CHAF1B: variants seen among roughly 807,000 people sequenced by gnomAD.
CHAF1B encodes chromatin assembly factor 1 subunit B.
A neutral mutation model predicts 60.7 loss-of-function variants in CHAF1B; 10 were observed. The observed-to-expected ratio is 0.16, with a 90% CI of 0.10 to 0.28. The LOEUF is 0.28. CHAF1B is among the 10% of genes least tolerant of loss of function. The pLI is 1.00. For missense variants in CHAF1B, 558 were observed against 708.4 expected (o/e 0.79, Z 2.41); for synonymous variants, 261 against 266.1 (o/e 0.98, Z 0.19).
rs1249234485 is a variant in CHAF1B at position 36,418,584 on chromosome 21, C to T, written c.*2218C>T. The T allele has an allele frequency of 3.3e-5, 5 of 152,122 alleles. No individual in the cohort carries two copies. Among genetic ancestry groups the T allele is most frequent in the Non-Finnish European group, 7.3e-5 (5 of 68,144 alleles). 9.4% of individuals were successfully genotyped at this position (152,122 alleles called of 1,614,324 possible). On this transcript the variant is annotated 3_prime_UTR_variant, in exon 14 of 14. Coordinates refer to ENST00000314103, the MANE Select transcript of CHAF1B (RefSeq NM_005441.3). The stretch of plus-strand genomic sequence containing the variant: ...TTAGGTTTTTCTGGGTGTGGTGGCT[C>T]ACACCTGTAATCCCAGCACTTTGGG...
At chr21:36,393,209 C>T (rs997540634) in intron 4 of CHAF1B, among the ~76,000 whole-genome samples, 9 of 151,734 alleles carry the variant, frequency 5.9e-5, no homozygotes, top group African/African-American at 9.7e-5. Context: ...GTGGAGAGAG[C>T]GGGAGAGGGA....
At chr21:36,398,640 G>C (rs7281977) in intron 6 of CHAF1B, among the ~76,000 whole-genome samples, 6 of 152,176 alleles carry the variant, frequency 3.9e-5, no homozygotes, top group African/African-American at 1.2e-4. Context: ...GATTACAGGC[G>C]TGAGCCACCT....
chr21:36,410,814 C>T (rs751543551), intron 10 of CHAF1B, among the ~76,000 whole-genome samples: 6 of 152,006 alleles, frequency 3.9e-5, no homozygotes, highest in Non-Finnish European at 7.4e-5. Flanking sequence ...GTGTGCGCCA[C>T]CACACCCAGC....
chr21:36,391,141 C>T (rs889668883), intron 3 of CHAF1B, among the ~76,000 whole-genome samples: 4 of 152,130 alleles, frequency 2.6e-5, no homozygotes, highest in Admixed American at 1.3e-4. Flanking sequence ...TTTGCAGTGG[C>T]ATTTGCTGGC....
chr21:36,397,401 TG>T lies in CHAF1B; in HGVS notation c.482-13del, dbSNP rs751649393. On this transcript the variant is annotated splice_polypyrimidine_tract_variant and intron_variant, in intron 5 of 13. Transcript: ENST00000314103. ...AATGCTGTTTTGGTGCGTGTGTGTGTGTTTTTTTTGTAGGACAAAAGATATC... is the reference window on the plus strand; with the variant it reads ...AATGCTGTTTTGGTGCGTGTGTGTGTTTTTTTTTGTAGGACAAAAGATATC... 102 of 1,398,472 alleles carry T rather than the reference TG, an allele frequency of 7.3e-5. No homozygotes were observed. The highest frequency in any genetic ancestry group is 3.2e-4 in the South Asian group (25 of 77,074). 86.6% of individuals were successfully genotyped at this position (1,398,472 alleles called of 1,614,324 possible). A position where few individuals can be genotyped will look rare whatever the true frequency, so the allele number is the denominator to read the frequency against.
At position 36,408,840 on chromosome 21, in the gene CHAF1B, C is replaced by T. The variant is rs1264771107; in HGVS notation, c.827+10C>T. The stretch of plus-strand genomic sequence containing the variant: ...GGAAGAATCTTAAAAGGTATGCAGT[C>T]AAGGAAATGTTTGAAATGTTTACAT... On this transcript the variant is annotated intron_variant, in intron 9 of 13. Coordinates refer to ENST00000314103, the MANE Select transcript of CHAF1B (RefSeq NM_005441.3). 3.2e-6 allele frequency: 5 copies of T among 1,571,756 alleles called. No homozygotes were observed. The African/African-American group carries it at 5.4e-5, about 17-fold the overall frequency.
chr21:36,397,502 G>A lies in CHAF1B; in HGVS notation c.569G>A (p.Ser190Asn), dbSNP rs750786976. The change falls in exon 6 of 14, where the codon AGC (serine) becomes AAC (asparagine). Residue 190 changes from serine (S) to asparagine (N), a missense_variant. Physicochemically the swap from Ser to Asn is conservative, Grantham distance 46. Coordinates refer to ENST00000314103, the MANE Select transcript of CHAF1B (RefSeq NM_005441.3). ...DPLGQYVATL[S>N]CDRVLRVYSI... is the part of the protein sequence containing the mutation. ...TTGGGTCAATATGTTGCTACTCTGA[G>A]CTGTGACAGGTAAATTCAGCTTTGG... 5.0e-5 allele frequency: 76 copies of A among 1,515,110 alleles called. No individual in the cohort carries two copies. The highest frequency in any genetic ancestry group is 6.7e-5 in the Non-Finnish European group (75 of 1,114,624). 93.9% of individuals were successfully genotyped at this position (1,515,110 alleles called of 1,614,324 possible).
chr21:36,411,270 C>T (rs1016196483), intron 10 of CHAF1B, among the ~76,000 whole-genome samples, 193 bp from the exon 11 acceptor site: 5 of 151,960 alleles, frequency 3.3e-5, no homozygotes, highest in African/African-American at 7.3e-5. Context: ...CACACCCCCA[C>T]GCCTGGCTAA....
Position 36,389,811 on chromosome 21 carries a change from G to A in CHAF1B, c.260-1740G>A, listed in dbSNP as rs1028552300. On this transcript the variant is annotated intron_variant, in intron 3 of 13. Coordinates refer to ENST00000314103, the MANE Select transcript of CHAF1B (RefSeq NM_005441.3). ...TGTGTGTGTGTGTGTGCGCGCGCAC[G>A]CTGATTTGTAGAGGGAAAAGTGGGG... Among the ~76,000 whole-genome samples, 45 of 148,766 alleles carry A rather than the reference G, an allele frequency of 3.0e-4. 1 individual carries two copies. Among genetic ancestry groups the A allele is most frequent in the African/African-American group, 1.0e-3 (41 of 40,538 alleles).
chr21:36,391,783 G>T (rs533844628), intron 4 of CHAF1B, 115 bp downstream of exon 4: 9 of 664,348 alleles, frequency 1.4e-5, no homozygotes, highest in Non-Finnish European at 2.1e-5. Context: ...TTGTCGCCCA[G>T]GCTGGAGTGC....
Position 36,387,608 on chromosome 21 carries a change from T to C in CHAF1B, c.137T>C (p.Val46Ala). ...TGTTGGTATTGACAGATCTGGAAGG[T>C]AGAAAAGGGACCAGATGGAAAAGCC... ...GVDTNVRIWK[V>A]EKGPDGKAIV... The change falls in exon 3 of 14, where the codon GTA becomes GCA. Residue 46 changes from valine to alanine, a missense_variant. Val to Ala is a moderately conservative substitution (Grantham distance 64, BLOSUM62 0). Coordinates refer to ENST00000314103, the MANE Select transcript of CHAF1B (RefSeq NM_005441.3). The C allele has an allele frequency of 6.2e-7, 1 of 1,614,116 alleles. No individual in the cohort carries two copies.
At chr21:36,404,732 C>CTTT (rs61593376) in intron 8 of CHAF1B, among the ~76,000 whole-genome samples, 1 of 50,556 alleles carries the variant, frequency 2.0e-5, no homozygotes, top group East Asian at 6.8e-4. Context: ...TTGCGCTGGC[C>CTTT]TTTTTTTTTT....
At position 36,412,943 on chromosome 21, in the gene CHAF1B, C is replaced by T; in HGVS notation, c.1121C>T (p.Thr374Ile). 1 of 1,614,162 alleles carries T rather than the reference C, an allele frequency of 6.2e-7. No individual in the cohort carries two copies. Among genetic ancestry groups the T allele is most frequent in the Non-Finnish European group, 8.5e-7 (1 of 1,180,036 alleles). ...ACGGACGGTTACTGCTCATTTGTGA[C>T]ATTTGAGAAAGATGAACTTGGAATT... ...SSTDGYCSFV[T>I]FEKDELGIPL... Residue 374 changes from threonine (T) to isoleucine (I), a missense_variant, in exon 12 of 14, where the codon ACA (threonine) becomes ATA (isoleucine). This residue lies in a region of CHAF1B where 325 missense variants were observed against 493.5 expected (regional missense o/e 0.66). Coordinates refer to ENST00000314103, the MANE Select transcript of CHAF1B (RefSeq NM_005441.3).
At chr21:36,389,477 G>A (rs1174681381) in intron 3 of CHAF1B, among the ~76,000 whole-genome samples, 2 of 151,624 alleles carry the variant, frequency 1.3e-5, no homozygotes, top group Non-Finnish European at 2.9e-5. Context: ...ATGGTGGTGC[G>A]CTCCTATAAT....
chr21:36,409,517 C>T, intron 10 of CHAF1B, 52 bp downstream of exon 10: 2 of 1,356,916 alleles, frequency 1.5e-6, no homozygotes, highest in Non-Finnish European at 2.1e-6. Flanking sequence ...AAACAGGTCA[C>T]CAGAGTGGGG....
intron 8 of CHAF1B, among the ~76,000 whole-genome samples, chr21:36,404,944 A>G (rs745721379): frequency 1.7e-4 from 26 of 151,052 alleles, no homozygotes; most frequent in Admixed American, 1.1e-3. Flanking sequence ...GGGTTTCGCC[A>G]TGTTGGCCAG....
At chr21:36,409,158 AT>A (rs1163222508) in intron 9 of CHAF1B, among the ~76,000 whole-genome samples, 232 of 94,648 alleles carry the variant, frequency 2.5e-3, no homozygotes, top group South Asian at 5.1e-3. Flanking sequence ...CCCGGCTTGT[AT>A]TTTTTTTTTT....
intron 12 of CHAF1B, 96 bp downstream of exon 12, chr21:36,413,411 A>G (rs948593762): frequency 1.7e-6 from 2 of 1,194,578 alleles, no homozygotes; most frequent in African/African-American, 1.5e-5. Context: ...TCAGGCGGTG[A>G]ATGCTTCATG....
intron 6 of CHAF1B, among the ~76,000 whole-genome samples, 189 bp from the exon 7 acceptor site, chr21:36,399,332 G>A (rs1030935157): frequency 6.6e-6 from 1 of 152,078 alleles, no homozygotes; most frequent in Non-Finnish European, 1.5e-5. Context: ...TACCGCGCCC[G>A]GCCTGTAATA....
Sources: allele counts gnomAD v4.1 joint callset (sites outside exome capture counted in the v4.1 genomes callset), GRCh38; gene constraint gnomAD v4.1.1; regional missense constraint gnomAD v4.1.1; transcripts MANE v1.5; gene names NCBI Gene and HGNC (gene_info 2026-07-23, HGNC 2026-07-21).